The following CAPN11 variants were observed in gnomAD, a reference collection of about 807,000 sequenced individuals.
CAPN11 encodes calpain-11.
Under a neutral mutation model 105.3 loss-of-function variants are expected in CAPN11, and 108 were observed. That is an observed-to-expected ratio of 1.03 (90% CI 0.88 to 1.20). The LOEUF (loss-of-function observed/expected upper bound fraction) is 1.20, where lower values mean the gene tolerates loss of function less well. CAPN11 is among the 50% of genes most tolerant of loss of function. The pLI is 0.00. For missense variants in CAPN11, 883 were observed against 924.8 expected, an observed-to-expected ratio of 0.95 and a Z score of 0.59; for synonymous variants, 329 against 344.5, an observed-to-expected ratio of 0.96 and a Z score of 0.50.
intron 2 of CAPN11, 136 bp from the exon 3 acceptor site, chr6:44,169,145 G>A: frequency 1.0e-6 from 1 of 988,220 alleles, no homozygotes; most frequent in Non-Finnish European, 1.5e-6. Context: ...TGTTGCCCAG[G>A]CTGGTCTCAA....
chr6:44,180,967 T>C lies in CAPN11; in HGVS notation c.1839T>C (p.Asp613=). 6.2e-7 allele frequency: 1 copy of C among 1,613,762 alleles called. No homozygotes were observed. Among genetic ancestry groups the C allele is most frequent in the East Asian group, 2.2e-5 (1 of 44,876 alleles). Reference sequence around the variant, plus strand: ...TCAAGACCAAGGGCTTTGGCCTGGATGCTTGCCGCTGCATGATCAACCTCA... The same window carrying C: ...TCAAGACCAAGGGCTTTGGCCTGGACGCTTGCCGCTGCATGATCAACCTCA... ...KSFKTKGFGL[D]ACRCMINLMD... is the part of the protein sequence containing the mutation. Residue 613 remains aspartate (D), a synonymous_variant, in exon 18 of 23, where the codon GAT becomes GAC. Coordinates refer to ENST00000398776, the MANE Select transcript of CAPN11 (RefSeq NM_007058.4).
Position 44,176,664 on chromosome 6 carries a change from G to T in CAPN11, c.1076+9G>T. 6.3e-7 allele frequency: 1 copy of T among 1,587,664 alleles called. No individual in the cohort carries two copies. Among genetic ancestry groups the T allele is most frequent in the Non-Finnish European group, 8.6e-7 (1 of 1,164,164 alleles). On this transcript the variant is annotated intron_variant, in intron 10 of 22. Transcript: ENST00000398776. ...GAGGACGGGGAGTTCTGGTCAGTGT[G>T]GCTTGGGGTGGGCTTCTTACCACCA... is the stretch of plus-strand genomic sequence containing the variant.
chr6:44,168,609 A>AAT (rs1770403333), intron 2 of CAPN11, among the ~76,000 whole-genome samples: 1 of 151,592 alleles, frequency 6.6e-6, no homozygotes, highest in Non-Finnish European at 1.5e-5. Flanking sequence ...ATTTAAAAAA[A>AAT]ATATTTATTT....
intron 12 of CAPN11, among the ~76,000 whole-genome samples, chr6:44,178,750 T>TAAAA (rs35225903): frequency 8.6e-6 from 1 of 116,066 alleles, no homozygotes; most frequent in Non-Finnish European, 1.7e-5. Flanking sequence ...CTGTCTCGAT[T>TAAAA]AAAAAAAAAA....
At chr6:44,180,389 C>T in intron 14 of CAPN11, 71 bp from the exon 15 acceptor site, 1 of 1,446,050 alleles carries the variant, frequency 6.9e-7, no homozygotes, top group Admixed American at 1.7e-5. Context: ...GACATGACCC[C>T]CAGAGCACCC....
intron 1 of CAPN11, among the ~76,000 whole-genome samples, chr6:44,160,988 G>A (rs1292421491): frequency 6.6e-6 from 1 of 152,088 alleles, no homozygotes; most frequent in Non-Finnish European, 1.5e-5. Context: ...GGTACCACCC[G>A]CAGTTTCAGG....
Position 44,178,382 on chromosome 6 carries a change from C to CCCT in CAPN11, c.1416+963_1416+965dup, listed in dbSNP as rs1772503931. 2.0e-5 allele frequency among the ~76,000 whole-genome samples: 3 copies of CCCT among 152,230 alleles called. No homozygotes were observed. The South Asian group carries it at 6.2e-4, about 32-fold the overall frequency. ...ACTCACTCCAGGAGCCAAGAGAAAG[C>CCCT]CCTGATAAGCATTTCCCAAGCCAAA... On this transcript the variant is annotated intron_variant, in intron 12 of 22. Coordinates refer to ENST00000398776, the MANE Select transcript of CAPN11 (RefSeq NM_007058.4).
At chr6:44,173,803 C>T (rs1194620060) in intron 7 of CAPN11, among the ~76,000 whole-genome samples, 6 of 152,038 alleles carry the variant, frequency 3.9e-5, no homozygotes, top group African/African-American at 1.5e-4. Context: ...AGGCTGGTCT[C>T]GAACTCCTGA....
At chr6:44,162,007 A>G in intron 1 of CAPN11, 1 of 423,432 alleles carries the variant, frequency 2.4e-6, no homozygotes, top group Non-Finnish European at 4.8e-6. Flanking sequence ...AGGGGCGCCC[A>G]GCAGCATCCC....
intron 4 of CAPN11, 46 bp from the exon 5 acceptor site, chr6:44,172,256 C>T (rs1771143754): frequency 7.6e-7 from 1 of 1,319,134 alleles, no homozygotes; most frequent in African/African-American, 1.5e-5. Context: ...CCCACCCACA[C>T]ATATGGGGTT....
intron 3 of CAPN11, 110 bp from the exon 4 acceptor site, chr6:44,169,796 A>G (rs1394499461): frequency 1.1e-6 from 1 of 912,894 alleles, no homozygotes; most frequent in East Asian, 2.6e-5. Context: ...CCTGCCCCTC[A>G]TATCTGTTCC....
chr6:44,173,820 C>G (rs1481563214), intron 7 of CAPN11, among the ~76,000 whole-genome samples: 6 of 152,022 alleles, frequency 3.9e-5, no homozygotes, highest in African/African-American at 1.4e-4. Flanking sequence ...CTGACCTCAA[C>G]TGATCCACCC....
chr6:44,162,826 T>C (rs1769147983), intron 1 of CAPN11, among the ~76,000 whole-genome samples: 1 of 152,122 alleles, frequency 6.6e-6, no homozygotes, highest in Non-Finnish European at 1.5e-5. Flanking sequence ...GACCCCTCAG[T>C]ACCAGCCCAG....
chr6:44,160,818 G>A (rs969404293), intron 1 of CAPN11, among the ~76,000 whole-genome samples: 2 of 152,270 alleles, frequency 1.3e-5, no homozygotes, highest in Middle Eastern at 3.4e-3. Flanking sequence ...GATATTTTGA[G>A]ACAGAGAGAC....
rs1409215426 is a variant in CAPN11 at position 44,166,905 on chromosome 6, G to A, written c.88+76G>A. On this transcript the variant is annotated intron_variant, in intron 2 of 22. Coordinates refer to ENST00000398776, the MANE Select transcript of CAPN11 (RefSeq NM_007058.4). ...TCCTTCACTCTCTTCTCTTCCCCTG[G>A]GCCTGCTGGTGGGGGAAGTCAGTCA... The A allele has an allele frequency of 3.8e-5, 39 of 1,025,686 alleles. No individual in the cohort carries two copies. In the Admixed American group the frequency reaches 7.8e-4, roughly 20 times the overall value. 63.5% of individuals were successfully genotyped at this position (1,025,686 alleles called of 1,614,324 possible).
At position 44,180,195 on chromosome 6, in the gene CAPN11, C is replaced by T. The variant is rs375375023; in HGVS notation, c.1640+32C>T. On this transcript the variant is annotated intron_variant, in intron 14 of 22. Transcript: ENST00000398776. ...GGCTGCAGCTCACTGCTCCAAGGCC[C>T]GCCACCCAAGAGCTGCAGGATATCA... The T allele has an allele frequency of 2.6e-5, 39 of 1,490,268 alleles. No homozygotes were observed. The African/African-American group carries it at 3.1e-4, about 12-fold the overall frequency. 92.3% of individuals were successfully genotyped at this position (1,490,268 alleles called of 1,614,324 possible). A position where few individuals can be genotyped will look rare whatever the true frequency, so the allele number is the denominator to read the frequency against.
intron 1 of CAPN11, among the ~76,000 whole-genome samples, chr6:44,159,903 G>A (rs1003030600): frequency 5.3e-5 from 8 of 151,778 alleles, no homozygotes; most frequent in African/African-American, 1.9e-4. Flanking sequence ...GGGAGGCCAA[G>A]GCAGGTGGAT....
In CAPN11 at chr6:44,176,621, C is replaced by T. The variant is rs1193772000; in HGVS notation, c.1042C>T (p.Gln348Ter). The T allele has an allele frequency of 1.9e-6, 3 of 1,609,214 alleles. No individual in the cohort carries two copies. Among genetic ancestry groups the T allele is most frequent in the East Asian group, 4.5e-5 (2 of 44,780 alleles). ...WEEVASDIQM[Q>*]LLHKTEDGEF... ...AGAGGTGGCCTCAGACATCCAGATG[C>T]AGCTGCTGCACAAGACGGAGGACGG... The change falls in exon 10 of 23, where the codon CAG becomes TAG. Residue 348 changes from glutamine (Q) to a stop codon, truncating the protein, a stop_gained. Coordinates refer to ENST00000398776, the MANE Select transcript of CAPN11 (RefSeq NM_007058.4). LOFTEE classifies it high-confidence loss of function.
chr6:44,169,107 A>AT (rs1304164044), intron 2 of CAPN11, 174 bp from the exon 3 acceptor site: 7 of 717,804 alleles, frequency 9.8e-6, no homozygotes, highest in African/African-American at 3.6e-5. Context: ...ATTAAAAAAA[A>AT]TTTTTTTGTC....
Sources: allele counts gnomAD v4.1 joint callset (sites outside exome capture counted in the v4.1 genomes callset), GRCh38; gene constraint gnomAD v4.1.1; transcripts MANE v1.5; gene names NCBI Gene and HGNC (gene_info 2026-07-23, HGNC 2026-07-21).